Variants in DMD observed in about 807,000 individuals in gnomAD.
DMD encodes the protein mutant dystrophin.
Under a neutral mutation model 330.1 loss-of-function variants are expected in DMD, and 63 were observed. The ratio of observed to expected loss-of-function variants is 0.19; its 90% CI spans 0.16 to 0.24. DMD has a LOEUF of 0.24. DMD is among the 10% of genes least tolerant of loss of function. The pLI, the probability that DMD is intolerant of heterozygous loss-of-function variation, is 1.00. For synonymous variants in DMD, 1,223 were observed against 959.8 expected (o/e 1.27, Z -5.07); for missense variants, 3,344 against 2,684.1 (o/e 1.25, Z -5.43).
chrX:32,961,834 G>C (rs1480226180), intron 2 of DMD, among the ~76,000 whole-genome samples: 1 of 111,359 alleles, frequency 9.0e-6, no homozygotes, highest in Non-Finnish European at 1.9e-5. Context: ...CTTAATGATA[G>C]CAAGAACTAA....
chrX:33,301,946 T>C (rs2053670608), intron 1 of DMD, among the ~76,000 whole-genome samples: 1 of 111,798 alleles, frequency 8.9e-6, no homozygotes, highest in Non-Finnish European at 1.9e-5. Flanking sequence ...ACACATTTCA[T>C]CATGTAAGAT....
chrX:31,529,231 A>AC (rs2073502622), intron 55 of DMD, among the ~76,000 whole-genome samples: 1 of 107,336 alleles, frequency 9.3e-6, no homozygotes, highest in African/African-American at 3.4e-5. Flanking sequence ...CAAAAAAAAA[A>AC]AAAATTAGGT....
intron 44 of DMD, among the ~76,000 whole-genome samples, chrX:32,067,454 C>T (rs2096266926): frequency 9.0e-6 from 1 of 110,568 alleles, no homozygotes; most frequent in Non-Finnish European, 1.9e-5. Flanking sequence ...TCCCATTAAC[C>T]AGGTAGTAAG....
intron 44 of DMD, among the ~76,000 whole-genome samples, chrX:32,071,731 T>A (rs1379466612): frequency 9.0e-6 from 1 of 110,513 alleles, no homozygotes; most frequent in Non-Finnish European, 1.9e-5. Flanking sequence ...ACCCCAATAA[T>A]TTACAGAAAA....
At chrX:32,996,866 G>A (rs746016285) in intron 2 of DMD, among the ~76,000 whole-genome samples, 35 of 110,654 alleles carry the variant, frequency 3.2e-4, no homozygotes, top group Non-Finnish European at 6.6e-4. Context: ...CTCAAGTTGT[G>A]CTCATAGGGC....
chrX:31,232,134 C>T (rs2047277674), intron 63 of DMD, among the ~76,000 whole-genome samples: 1 of 94,313 alleles, frequency 1.1e-5, no homozygotes, highest in African/African-American at 3.9e-5. Context: ...GAAGGTGGGG[C>T]TTTAAGAATC....
chrX:32,737,784 A>G (rs1315507115), intron 7 of DMD, among the ~76,000 whole-genome samples: 1 of 111,841 alleles, frequency 8.9e-6, no homozygotes, highest in Non-Finnish European at 1.9e-5. Context: ...CGTTACATCA[A>G]TAGTACATGA....
rs2096406988 is a variant in DMD, at chrX:32,083,271, T to TA, written c.6439-114758_6439-114757insT. 7.2e-5 allele frequency among the ~76,000 whole-genome samples: 5 copies of TA among 69,831 alleles called. 1 individual carries two copies. The highest frequency in any genetic ancestry group is 3.5e-4 in the African/African-American group (4 of 11,436). The allele number at this position is 69,831 out of a possible 115,157, so 60.6% of individuals were successfully genotyped here. A position where few individuals can be genotyped will look rare whatever the true frequency, so the allele number is the denominator to read the frequency against. On this transcript the variant is annotated intron_variant, in intron 44 of 78. Coordinates refer to ENST00000357033, the MANE Select transcript of DMD (RefSeq NM_004006.3). The stretch of plus-strand genomic sequence containing the variant: ...GTCTGATAGCCACCTGAATAAAAAA[T>TA]CTTTTTTTTTTTTCTTTTTTTGAGA...
At chrX:32,735,065 A>T (rs1434599699) in intron 7 of DMD, among the ~76,000 whole-genome samples, 1 of 110,988 alleles carries the variant, frequency 9.0e-6, no homozygotes, top group Non-Finnish European at 1.9e-5. Flanking sequence ...ACTTCAGCAA[A>T]GTCTCAGGAT....
intron 41 of DMD, among the ~76,000 whole-genome samples, chrX:32,318,558 TGA>T (rs1416638042): frequency 9.0e-6 from 1 of 110,825 alleles, no homozygotes; most frequent in Non-Finnish European, 1.9e-5. Context: ...AAAATAGCAA[TGA>T]GAGAGTGTTT....
intron 44 of DMD, among the ~76,000 whole-genome samples, chrX:32,164,527 A>G (rs2096860933): frequency 1.8e-5 from 2 of 111,892 alleles, no homozygotes; most frequent in South Asian, 3.7e-4. Flanking sequence ...AAGGTATCTG[A>G]CAGAAGAAAT....
chrX:32,820,974 A>G (rs1477128346), intron 5 of DMD, among the ~76,000 whole-genome samples: 1 of 111,162 alleles, frequency 9.0e-6, no homozygotes, highest in African/African-American at 3.3e-5. Context: ...TATGAAAAGC[A>G]GTTTGGGGAG....
chrX:32,476,453 G>C (rs1247204362), intron 21 of DMD, among the ~76,000 whole-genome samples: 4 of 111,385 alleles, frequency 3.6e-5, no homozygotes, highest in African/African-American at 1.3e-4. Flanking sequence ...AACTTCCAAA[G>C]ATTGGTTTGG....
intron 2 of DMD, among the ~76,000 whole-genome samples, chrX:32,956,050 T>C (rs962868634): frequency 9.0e-6 from 1 of 111,425 alleles, no homozygotes; most frequent in East Asian, 2.8e-4. Flanking sequence ...ATGTGAACTT[T>C]GAAATAGTTT....
intron 55 of DMD, among the ~76,000 whole-genome samples, chrX:31,507,905 C>T (rs775306411): frequency 2.7e-5 from 3 of 111,621 alleles, no homozygotes; most frequent in African/African-American, 6.5e-5. Context: ...ACCATAAAAG[C>T]GTGGAGAGAC....
chrX:32,984,409 C>T (rs1236461037), intron 2 of DMD, among the ~76,000 whole-genome samples: 1 of 111,592 alleles, frequency 9.0e-6, no homozygotes, highest in African/African-American at 3.3e-5. Flanking sequence ...CACCCACCAC[C>T]ACACCCGGCT....
chrX:32,595,915 T>C, intron 12 of DMD, 39 bp from the exon 13 acceptor site: 2 of 1,085,794 alleles, frequency 1.8e-6, no homozygotes, highest in Non-Finnish European at 1.3e-6. Context: ...TAAAATGATA[T>C]TCTTACATGT....
chrX:32,974,044 G>A lies in DMD; in HGVS notation c.93+46095C>T, dbSNP rs759944262. Among the ~76,000 whole-genome samples, 8 of 111,453 alleles carry A rather than the reference G, an allele frequency of 7.2e-5. No homozygotes were observed. In the South Asian group the frequency reaches 2.6e-3, roughly 37 times the overall value. ...GGAAAAAAAAGCCTTACGAATACCC[G>A]TAAACTGGTGATAAATGGACAAACA... On this transcript the variant is annotated intron_variant, in intron 2 of 78. Coordinates refer to ENST00000357033, the MANE Select transcript of DMD (RefSeq NM_004006.3).
intron 60 of DMD, among the ~76,000 whole-genome samples, chrX:31,391,937 G>A (rs2060702101): frequency 9.0e-6 from 1 of 111,352 alleles, no homozygotes; most frequent in Non-Finnish European, 1.9e-5. Flanking sequence ...TCAAGAAAAG[G>A]TTTATAAATA....
Sources: gnomAD v4.1 joint callset for allele counts (sites outside exome capture counted in the v4.1 genomes callset) on GRCh38, gnomAD v4.1.1 for gene constraint, MANE v1.5 for transcripts, NCBI Gene and HGNC (gene_info 2026-07-23, HGNC 2026-07-21) for gene names.